Variants in LARGE1 observed in about 807,000 individuals in gnomAD.
LARGE1 encodes LARGE xylosyl- and glucuronyltransferase 1.
LARGE1 carries 43 observed loss-of-function variants against 87.6 expected under a neutral mutation model. The ratio of observed to expected loss-of-function variants is 0.49; its 90% confidence interval spans 0.38 to 0.63. LARGE1 has a LOEUF of 0.63. Ranked by LOEUF, LARGE1 falls within the 30% of genes least tolerant of loss-of-function variation. The pLI, the probability that LARGE1 is intolerant of heterozygous loss-of-function variation, is 0.00. For synonymous variants in LARGE1, 434 were observed against 394.6 expected, an observed-to-expected ratio of 1.10 and a Z score of -1.18; for missense variants, 802 against 1,000.2, an observed-to-expected ratio of 0.80 and a Z score of 2.67.
chr22:33,224,905 G>A (rs1311429293), intron 11 of LARGE1, among the ~76,000 whole-genome samples: 1 of 152,228 alleles, frequency 6.6e-6, no homozygotes, highest in Non-Finnish European at 1.5e-5. Flanking sequence ...TTTGTTTGGA[G>A]GACAAGGGAA....
At chr22:33,128,423 C>T in the LARGE1 span, among the ~76,000 whole-genome samples, 1 of 152,060 alleles carries the variant, frequency 6.6e-6, no homozygotes, top group Non-Finnish European at 1.5e-5. Context: ...GCCTGTAATC[C>T]CAGCACTTTG....
intron 2 of LARGE1, among the ~76,000 whole-genome samples, chr22:33,691,074 C>A (rs1263692416): frequency 1.3e-5 from 2 of 152,188 alleles, no homozygotes; most frequent in African/African-American, 2.4e-5. Flanking sequence ...GTTGACTGGG[C>A]AGCCCATGGA....
intron 9 of LARGE1, among the ~76,000 whole-genome samples, chr22:33,349,138 C>T (rs913460323): frequency 1.1e-4 from 16 of 152,172 alleles, no homozygotes; most frequent in East Asian, 5.8e-4. Context: ...TGAAGATGGA[C>T]GAATACAGGG....
At chr22:33,313,374 C>T (rs1262028241) in intron 11 of LARGE1, among the ~76,000 whole-genome samples, 1 of 152,160 alleles carries the variant, frequency 6.6e-6, no homozygotes, top group African/African-American at 2.4e-5. Context: ...CTCATAGAAT[C>T]GGTGCACCTC....
chr22:33,674,481 T>G (rs763682026), intron 2 of LARGE1, among the ~76,000 whole-genome samples: 1 of 152,216 alleles, frequency 6.6e-6, no homozygotes, highest in Admixed American at 6.5e-5. Flanking sequence ...CAGCCCTCCA[T>G]GCAGCTTTAG....
At position 33,882,899 on chromosome 22, in the gene LARGE1, A is replaced by C. The variant is rs539159379; in HGVS notation, c.-83+37096T>G. ...CTTTTAACTAATCACTCCATAATCC[A>C]ATTTTCCTCACGTGCGTCTACAAAT... On this transcript the variant is annotated intron_variant, in intron 1 of 14. Transcript: ENST00000397394. Among the ~76,000 whole-genome samples, 20 of 152,232 alleles carry C rather than the reference A, an allele frequency of 1.3e-4. 1 individual carries two copies. In the South Asian group the frequency reaches 3.9e-3, roughly 30 times the overall value.
At chr22:33,125,521 A>G in the LARGE1 span, among the ~76,000 whole-genome samples, 43 of 149,668 alleles carry the variant, frequency 2.9e-4, no homozygotes, top group East Asian at 6.9e-3. Context: ...ATCTCGGCTC[A>G]CTGCAACCTC....
At chr22:33,441,134 G>A (rs995279688) in intron 6 of LARGE1, among the ~76,000 whole-genome samples, 1 of 140,026 alleles carries the variant, frequency 7.1e-6, no homozygotes, top group African/African-American at 2.8e-5. Flanking sequence ...GAGTGCAATG[G>A]TACAATCTTG....
At chr22:33,497,569 A>C (rs2070201207) in intron 6 of LARGE1, among the ~76,000 whole-genome samples, 1 of 152,218 alleles carries the variant, frequency 6.6e-6, no homozygotes, top group Non-Finnish European at 1.5e-5. Context: ...TTCACATAAG[A>C]TCACTGCCAG....
At chr22:33,160,977 A>C (rs1048418927), downstream of LARGE1, among the ~76,000 whole-genome samples, 1 of 152,228 alleles carries the variant, frequency 6.6e-6, no homozygotes, top group African/African-American at 2.4e-5. Context: ...GTATTAGTCC[A>C]TTCTCATGCT....
chr22:33,783,421 T>C (rs113227304), intron 1 of LARGE1, among the ~76,000 whole-genome samples: 11,796 of 152,098 alleles, frequency 0.078, 570 homozygotes, highest in South Asian at 0.22. Flanking sequence ...AAAAATTAGC[T>C]GGGCATGGTG....
At chr22:33,437,510 G>A (rs1436964337) in intron 6 of LARGE1, among the ~76,000 whole-genome samples, 1 of 152,014 alleles carries the variant, frequency 6.6e-6, no homozygotes. Flanking sequence ...TGAAAATGAT[G>A]CTGTGTTTTG....
intron 1 of LARGE1, among the ~76,000 whole-genome samples, chr22:33,912,242 C>T (rs1020544193): frequency 2.6e-5 from 4 of 152,116 alleles, no homozygotes; most frequent in African/African-American, 2.4e-5. Context: ...TCGAGTTAGC[C>T]GCAGCAAGGT....
intron 6 of LARGE1, among the ~76,000 whole-genome samples, chr22:33,529,801 G>C (rs903124953): frequency 1.3e-5 from 2 of 152,204 alleles, no homozygotes; most frequent in African/African-American, 4.8e-5. Flanking sequence ...TGCTGGCTGT[G>C]TGTTCTCGGA....
the LARGE1 span, among the ~76,000 whole-genome samples, chr22:33,069,169 C>T: frequency 6.6e-6 from 1 of 152,112 alleles, no homozygotes. Flanking sequence ...GTGAGGGATG[C>T]AGAAGCCATT....
In LARGE1 at chr22:33,650,588, C is replaced by G; in HGVS notation, c.187G>C (p.Glu63Gln). Residue 63 changes from glutamate to glutamine, a missense_variant, in exon 3 of 15, where the codon GAG becomes CAG. Physicochemically the swap from Glu to Gln is conservative, Grantham distance 29. Coordinates refer to ENST00000397394, the MANE Select transcript of LARGE1 (RefSeq NM_133642.5). ...TCGCGCATGCGCACCTCCAGGCTCT[C>G]GCGCTCCCGCTGGCTGGAGGCCGTG... Reference protein sequence around the residue: ...RYTASSQRERESLEVRMREVE... With the variant: ...RYTASSQRERQSLEVRMREVE... 6.2e-7 allele frequency: 1 copy of G among 1,605,876 alleles called. No homozygotes were observed. The highest frequency in any genetic ancestry group is 8.5e-7 in the Non-Finnish European group (1 of 1,179,918).
chr22:33,871,982 C>CAAAAAAAAAAAAAAA (rs58105742), intron 1 of LARGE1, among the ~76,000 whole-genome samples: 6 of 86,784 alleles, frequency 6.9e-5, no homozygotes, highest in Non-Finnish European at 1.2e-4. Flanking sequence ...TCTAAATCAG[C>CAAAAAAAAAAAAAAA]AAAAAAAAAA....
At chr22:33,869,976 G>A (rs569755410) in intron 1 of LARGE1, among the ~76,000 whole-genome samples, 2 of 152,310 alleles carry the variant, frequency 1.3e-5, no homozygotes, top group African/African-American at 4.8e-5. Context: ...CTAGTTATGA[G>A]TTGAATTGTG....
chr22:33,492,764 G>C (rs1602095952), intron 6 of LARGE1, among the ~76,000 whole-genome samples: 1 of 152,152 alleles, frequency 6.6e-6, no homozygotes, highest in Admixed American at 6.5e-5. Context: ...ATATGGTTGT[G>C]TGCTAACTGA....
Sources: gnomAD v4.1 joint callset for allele counts (sites outside exome capture counted in the v4.1 genomes callset) on GRCh38, gnomAD v4.1.1 for gene constraint, MANE v1.5 for transcripts, NCBI Gene and HGNC (gene_info 2026-07-23, HGNC 2026-07-21) for gene names.